The following DMAC2L variants were observed in gnomAD, a reference collection of about 807,000 sequenced individuals.
DMAC2L encodes the protein ATP synthase subunit s, mitochondrial.
DMAC2L carries 21 observed loss-of-function variants against 22.5 expected under a neutral mutation model. That is an observed-to-expected ratio of 0.93 (90% CI 0.66 to 1.34). DMAC2L has a LOEUF of 1.34. Among genes scored for constraint, DMAC2L ranks in the 40% most tolerant of loss-of-function variants. DMAC2L has a pLI of 0.00. For missense variants in DMAC2L, 239 were observed against 246.5 expected (o/e 0.97, Z 0.20); for synonymous variants, 86 against 89.5 (o/e 0.96, Z 0.22).
intron 1 of DMAC2L, chr14:50,312,777 A>G (rs2139253801): frequency 1.9e-6 from 1 of 519,426 alleles, no homozygotes; most frequent in African/African-American, 2.0e-5. Flanking sequence ...TCCGGCCCTA[A>G]TCCTCGCTCC....
Position 50,313,028 on chromosome 14 carries a change from G to A in DMAC2L, c.-42+639G>A, listed in dbSNP as rs759615653. On this transcript the variant is annotated intron_variant, in intron 1 of 5. Coordinates refer to ENST00000557421, the MANE Select transcript of DMAC2L (RefSeq NM_001382507.1). ...ACCGAGATACAGTTTTAAATGTGCT[G>A]TGCGGTCTCTGAGCAGCGACTCACC... 2.7e-5 allele frequency: 43 copies of A among 1,614,026 alleles called. 1 individual carries two copies. The highest frequency in any genetic ancestry group is 3.6e-5 in the Non-Finnish European group (42 of 1,180,006).
intron 2 of DMAC2L, among the ~76,000 whole-genome samples, chr14:50,316,218 T>C (rs974249277): frequency 6.6e-6 from 1 of 152,164 alleles, no homozygotes; most frequent in Non-Finnish European, 1.5e-5. Context: ...CTTTTGAGAA[T>C]TGTCTTCATG....
At chr14:50,312,912 C>G (rs2031380595) in intron 1 of DMAC2L, 1 of 1,218,448 alleles carries the variant, frequency 8.2e-7, no homozygotes, top group African/African-American at 1.5e-5. Flanking sequence ...AGCGCCTGCT[C>G]TGTACTCGAC....
rs1384200305 is a variant in DMAC2L, at chr14:50,322,524, C to T, written c.121C>T (p.Arg41Cys). ...NAVFNKVDYD[R>C]IRDVGPDRAA... ...TCTTGCCAACAGGGTGGATTATGAT[C>T]GCATCAGGGATGTTGGCCCTGACAG... Residue 41 changes from arginine to cysteine, a missense_variant, in exon 4 of 6, where the codon CGC becomes TGC. Arg to Cys is a radical substitution (Grantham distance 180). Transcript: ENST00000557421. 3.7e-6 allele frequency: 6 copies of T among 1,601,792 alleles called. No individual in the cohort carries two copies. The highest frequency in any genetic ancestry group is 1.1e-5 in the South Asian group (1 of 90,508).
At chr14:50,313,345 C>T (rs2031436197) in intron 1 of DMAC2L, among the ~76,000 whole-genome samples, 2 of 152,158 alleles carry the variant, frequency 1.3e-5, no homozygotes, top group South Asian at 2.1e-4. Context: ...TCAGACCCTC[C>T]TCAGTGAACT....
At position 50,323,953 on chromosome 14, in the gene DMAC2L, G is replaced by A. The variant is rs1160945452; in HGVS notation, c.325G>A (p.Glu109Lys). The change falls in exon 5 of 6, where the codon GAG becomes AAG. Residue 109 changes from glutamate (E) to lysine (K), a missense_variant. By Grantham distance (56) the Glu-to-Lys change is moderately conservative (BLOSUM62 1). Coordinates refer to ENST00000557421, the MANE Select transcript of DMAC2L (RefSeq NM_001382507.1). Reference protein sequence around the residue: ...SIGFDHMEGLEHVEKIRLCKC... With the variant: ...SIGFDHMEGLKHVEKIRLCKC... Reference sequence around the variant, plus strand: ...GTACTTTTTCTCCCCAGAGGGCCTAGAGCATGTTGAAAAAATAAGGCTGTG... The same window carrying A: ...GTACTTTTTCTCCCCAGAGGGCCTAAAGCATGTTGAAAAAATAAGGCTGTG... 1.2e-6 allele frequency: 2 copies of A among 1,610,444 alleles called. No homozygotes were observed. Among genetic ancestry groups the A allele is most frequent in the Non-Finnish European group, 1.7e-6 (2 of 1,178,568 alleles).
chr14:50,326,500 G>A lies in DMAC2L; in HGVS notation c.*777G>A, dbSNP rs941357376. ...TGCAAAGTGGTCAGTGGTTGTTGAAGCATGCATTGCTTCAACAGGATTTGC... is the reference window on the plus strand; with the variant it reads ...TGCAAAGTGGTCAGTGGTTGTTGAAACATGCATTGCTTCAACAGGATTTGC... On this transcript the variant is annotated 3_prime_UTR_variant, in exon 6 of 6. Transcript: ENST00000557421. The A allele has an allele frequency of 2.0e-6, 2 of 985,274 alleles. No homozygotes were observed. Among genetic ancestry groups the A allele is most frequent in the African/African-American group, 3.5e-5 (2 of 57,226 alleles). The allele number at this position is 985,274 out of a possible 1,614,324, so 61.0% of individuals were successfully genotyped here.
chr14:50,317,955 A>G (rs1236600942), intron 2 of DMAC2L, among the ~76,000 whole-genome samples: 2 of 152,196 alleles, frequency 1.3e-5, no homozygotes, highest in African/African-American at 4.8e-5. Flanking sequence ...TTAATCACAA[A>G]GGGATGCTGG....
At chr14:50,325,312 T>C (rs1306355499) in intron 5 of DMAC2L, among the ~76,000 whole-genome samples, 2 of 152,240 alleles carry the variant, frequency 1.3e-5, no homozygotes, top group Non-Finnish European at 2.9e-5. Context: ...TTTTCCCAGC[T>C]TTTGCCCTTT....
chr14:50,319,160 G>A, intron 2 of DMAC2L: 1 of 1,526,314 alleles, frequency 6.6e-7, no homozygotes, highest in South Asian at 1.2e-5. Context: ...AAATAAGATT[G>A]ACAACTAATA....
At chr14:50,313,099 G>A in intron 1 of DMAC2L, 1 of 1,490,984 alleles carries the variant, frequency 6.7e-7, no homozygotes. Flanking sequence ...AAATGAGGGC[G>A]ATGGGCTGTG....
In DMAC2L at chr14:50,315,662, C is replaced by CAAAAA. The variant is rs142527130; in HGVS notation, c.-6+1059_-6+1063dup. The stretch of plus-strand genomic sequence containing the variant: ...GGCGACAGAGCAAGATTCTGTTTCA[C>CAAAAA]AAAAAAAAAAAAAAAAAAAAAAAAA... On this transcript the variant is annotated intron_variant, in intron 2 of 5. Coordinates refer to ENST00000557421, the MANE Select transcript of DMAC2L (RefSeq NM_001382507.1). Among the ~76,000 whole-genome samples, 55 of 81,556 alleles carry CAAAAA rather than the reference C, an allele frequency of 6.7e-4. 1 individual carries two copies. Among genetic ancestry groups the CAAAAA allele is most frequent in the African/African-American group, 2.3e-3 (49 of 21,238 alleles). The allele number at this position is 81,556 out of a possible 152,430, so 53.5% of individuals were successfully genotyped here.
intron 5 of DMAC2L, 175 bp downstream of exon 5, chr14:50,324,291 A>G: frequency 1.9e-6 from 1 of 524,520 alleles, no homozygotes; most frequent in South Asian, 4.7e-5. Flanking sequence ...ACCTTAATAC[A>G]TTAATGTTGT....
chr14:50,322,596 C>G lies in DMAC2L; in HGVS notation c.193C>G (p.His65Asp), dbSNP rs995749092. Residue 65 changes from histidine to aspartate, a missense_variant, in exon 4 of 6, where the codon CAT becomes GAT. By Grantham distance (81) the His-to-Asp change is moderately conservative. Transcript: ENST00000557421. ...GCGCTGTGGGGCCATGGTGCGCTAC[C>G]ATGGCCAGGAGAGGTGGCAGAAGGA... ...LLRCGAMVRY[H>D]GQERWQKDYN... 5 of 1,614,036 alleles carry G rather than the reference C, an allele frequency of 3.1e-6. No homozygotes were observed. Among genetic ancestry groups the G allele is most frequent in the Non-Finnish European group, 4.2e-6 (5 of 1,180,046 alleles).
At chr14:50,312,027 G>A (rs2031250042), upstream of DMAC2L, 2 of 1,573,326 alleles carry the variant, frequency 1.3e-6, no homozygotes, top group African/African-American at 2.7e-5. Context: ...CTGGCGCTGC[G>A]GCTACCTCCA....
At chr14:50,312,996 G>A in intron 1 of DMAC2L, 1 of 1,614,146 alleles carries the variant, frequency 6.2e-7, no homozygotes, top group Non-Finnish European at 8.5e-7. Flanking sequence ...CTTTTCTTGA[G>A]TACTGAACCG....
chr14:50,321,374 C>T, intron 2 of DMAC2L, 109 bp from the exon 3 acceptor site: 27 of 1,420,288 alleles, frequency 1.9e-5, no homozygotes, highest in Non-Finnish European at 2.5e-5. Context: ...TGTTGAGTGG[C>T]AAGTGAGTCA....
Position 50,314,573 on chromosome 14 carries a change from C to G in DMAC2L, c.-41-18C>G. 2.2e-6 allele frequency: 1 copy of G among 455,868 alleles called. No individual in the cohort carries two copies. The highest frequency in any genetic ancestry group is 4.4e-6 in the Non-Finnish European group (1 of 226,794). The allele number at this position is 455,868 out of a possible 1,614,324, so 28.2% of individuals were successfully genotyped here. ...TGAGTGTACAGCCTTTTGTGTGAACCTGTTTTTGTTTCTCTAGGATAAGTG... is the reference window on the plus strand; with the variant it reads ...TGAGTGTACAGCCTTTTGTGTGAACGTGTTTTTGTTTCTCTAGGATAAGTG... On this transcript the variant is annotated intron_variant, in intron 1 of 5. Transcript: ENST00000557421.
At chr14:50,323,179 A>G (rs7155405) in intron 4 of DMAC2L, among the ~76,000 whole-genome samples, 88,628 of 148,594 alleles carry the variant, frequency 0.6, 26,338 homozygotes, top group East Asian at 0.77. Context: ...TCTGCCTCCC[A>G]GGTTCACGCC....
Sources: gnomAD v4.1 joint callset for allele counts (sites outside exome capture counted in the v4.1 genomes callset) on GRCh38, gnomAD v4.1.1 for gene constraint, MANE v1.5 for transcripts, NCBI Gene and HGNC (gene_info 2026-07-23, HGNC 2026-07-21) for gene names.